Variants in IGLON5 observed in about 807,000 individuals in gnomAD.
IGLON5 encodes the protein IgLON family member 5, also known as Ig-like domain-containing protein ENSP00000270642.
IGLON5 carries 16 observed loss-of-function variants against 38.2 expected under a neutral mutation model. The observed-to-expected ratio is 0.42, with a 90% CI of 0.28 to 0.64. The LOEUF (loss-of-function observed/expected upper bound fraction) is 0.64, where lower values mean the gene tolerates loss of function less well. Among genes scored for constraint, IGLON5 ranks in the 30% least tolerant of loss-of-function variants. The pLI, the probability that IGLON5 is intolerant of heterozygous loss-of-function variation, is 0.23. For synonymous variants in IGLON5, 207 were observed against 216.4 expected (o/e 0.96, Z 0.38); for missense variants, 366 against 483.4 (o/e 0.76, Z 2.28).
In IGLON5 at chr19:51,326,780, G is replaced by A. The variant is rs1277905236; in HGVS notation, c.528G>A (p.Glu176=). 2.6e-6 allele frequency: 4 copies of A among 1,548,948 alleles called. No individual in the cohort carries two copies. The highest frequency in any genetic ancestry group is 2.0e-5 in the Admixed American group (1 of 50,776). The change falls in exon 5 of 8, where the codon GAG becomes GAA. Residue 176 remains glutamate (E), a synonymous_variant. Coordinates refer to ENST00000270642, the MANE Select transcript of IGLON5 (RefSeq NM_001101372.3). ...CCCCCACAGACGGCTTCACCTCGGA[G>A]GGAGAGATCCTGGAGATCTCTGACA... The part of the protein sequence containing the change: ...WRQLRDGFTS[E]GEILEISDIQ...
At chr19:51,313,352 T>A in intron 1 of IGLON5, among the ~76,000 whole-genome samples, 1 of 152,218 alleles carries the variant, frequency 6.6e-6, no homozygotes, top group East Asian at 1.9e-4. Context: ...TATCCACTGC[T>A]GACTTTCCAC....
At position 51,327,775 on chromosome 19, in the gene IGLON5, C is replaced by A; in HGVS notation, c.811C>A (p.Arg271Ser). ...TAEGLKVQTERTRSMLLFANV... is the reference protein window; with the variant it reads ...TAEGLKVQTESTRSMLLFANV... ...CGAAGGCCTGAAGGTGCAGACGGAG[C>A]GCACCCGCTCGATGCTTCTCTTTGC... is the stretch of plus-strand genomic sequence containing the variant. The change falls in exon 7 of 8, where the codon CGC becomes AGC. Residue 271 changes from arginine to serine, a missense_variant. Coordinates refer to ENST00000270642, the MANE Select transcript of IGLON5 (RefSeq NM_001101372.3). The surrounding 1 kb of genome is among the most constrained non-coding windows in gnomAD (Gnocchi z 7.1). The A allele has an allele frequency of 6.4e-7, 1 of 1,574,568 alleles. No homozygotes were observed. Among genetic ancestry groups the A allele is most frequent in the Non-Finnish European group, 8.6e-7 (1 of 1,162,180 alleles).
At chr19:51,314,266 C>G (rs770116869) in intron 1 of IGLON5, among the ~76,000 whole-genome samples, 1 of 151,708 alleles carries the variant, frequency 6.6e-6, no homozygotes, top group Non-Finnish European at 1.5e-5. Context: ...TCACTGCAAC[C>G]TCTGCCTCCC....
rs572355045 is a variant in IGLON5 at position 51,324,440 on chromosome 19, C to T, written c.391+546C>T. ...GGGGCTGGAGAGCTCCACAGTGAGGCGAGAGGCAGAGGGCATCTGAAATGG... is the reference window on the plus strand; with the variant it reads ...GGGGCTGGAGAGCTCCACAGTGAGGTGAGAGGCAGAGGGCATCTGAAATGG... On this transcript the variant is annotated intron_variant, in intron 3 of 7. Coordinates refer to ENST00000270642, the MANE Select transcript of IGLON5 (RefSeq NM_001101372.3). This position sits in a 1 kb window ranked among gnomAD's most constrained non-coding sequence, Gnocchi z 4.2. Among the ~76,000 whole-genome samples, 38 of 152,182 alleles carry T rather than the reference C, an allele frequency of 2.5e-4. 2 individuals are homozygous for T. The South Asian group carries it at 3.7e-3, about 15-fold the overall frequency.
chr19:51,319,491 A>T (rs1477065506), intron 1 of IGLON5, among the ~76,000 whole-genome samples: 1 of 151,788 alleles, frequency 6.6e-6, no homozygotes, highest in Non-Finnish European at 1.5e-5. Context: ...CAAAGTTGGG[A>T]ATCATGGTGC....
At chr19:51,328,630 C>T (rs772670794) in intron 7 of IGLON5, 41 bp from the exon 8 acceptor site, 38 of 1,350,318 alleles carry the variant, frequency 2.8e-5, no homozygotes, top group Non-Finnish European at 3.6e-5. Context: ...TGGGGTTCCC[C>T]ACTCTCAGGC....
rs542139381 is a variant in IGLON5 at position 51,323,706 on chromosome 19, G to A, written c.203G>A (p.Arg68His). Reference sequence around the variant, plus strand: ...GTGACCCGCGTGGCCTGGCTGAACCGCTCCAACATCCTGTATGCCGGCAAT... The same window carrying A: ...GTGACCCGCGTGGCCTGGCTGAACCACTCCAACATCCTGTATGCCGGCAAT... ...EHVTRVAWLN[R>H]SNILYAGNDR... is the part of the protein sequence containing the mutation. The change falls in exon 3 of 8, where the codon CGC (arginine) becomes CAC (histidine). Residue 68 changes from arginine (R) to histidine (H), a missense_variant. Transcript: ENST00000270642. The A allele has an allele frequency of 1.5e-5, 25 of 1,613,922 alleles. No homozygotes were observed. The highest frequency in any genetic ancestry group is 3.3e-4 in the Middle Eastern group (2 of 6,062).
intron 1 of IGLON5, among the ~76,000 whole-genome samples, chr19:51,313,159 G>T (rs1432977889): frequency 1.3e-5 from 2 of 152,126 alleles, no homozygotes; most frequent in Non-Finnish European, 2.9e-5. Context: ...CCCCATCCAC[G>T]CAGGACGCAG....
At position 51,324,950 on chromosome 19, in the gene IGLON5, A is replaced by C. The variant is rs906308134; in HGVS notation, c.392-396A>C. The stretch of plus-strand genomic sequence containing the variant: ...GTCCCATGTGGGTATTTGTTAAATA[A>C]ATTTATTTAAAATAATAATAAATAC... On this transcript the variant is annotated intron_variant, in intron 3 of 7. Coordinates refer to ENST00000270642, the MANE Select transcript of IGLON5 (RefSeq NM_001101372.3). The surrounding 1 kb of genome is among the most constrained non-coding windows in gnomAD (Gnocchi z 4.2). Among the ~76,000 whole-genome samples, 1 of 152,012 alleles carries C rather than the reference A, an allele frequency of 6.6e-6. No homozygotes were observed. The highest frequency in any genetic ancestry group is 2.4e-5 in the African/African-American group (1 of 41,390).
intron 4 of IGLON5, 95 bp from the exon 5 acceptor site, chr19:51,326,669 C>A: frequency 1.7e-6 from 1 of 584,402 alleles, no homozygotes; most frequent in Admixed American, 4.1e-5. Flanking sequence ...CCTTGCCGTG[C>A]CCGCCCCGCT....
chr19:51,323,458 TC>T (rs1197797478), intron 2 of IGLON5, among the ~76,000 whole-genome samples: 1 of 152,198 alleles, frequency 6.6e-6, no homozygotes. Flanking sequence ...GAGCTATTGT[TC>T]CGTTCTGCAG....
intron 1 of IGLON5, among the ~76,000 whole-genome samples, chr19:51,316,272 G>C (rs577146602): frequency 2.2e-3 from 327 of 149,618 alleles, no homozygotes; most frequent in Non-Finnish European, 3.9e-3. Flanking sequence ...TTGAGCCTGG[G>C]AGGTGGAGGT....
At position 51,325,555 on chromosome 19, in the gene IGLON5, C is replaced by A; in HGVS notation, c.511+90C>A. 3 of 1,353,906 alleles carry A rather than the reference C, an allele frequency of 2.2e-6. No individual in the cohort carries two copies. The highest frequency in any genetic ancestry group is 9.9e-7 in the Non-Finnish European group (1 of 1,012,628). 83.9% of individuals were successfully genotyped at this position (1,353,906 alleles called of 1,614,324 possible). ...CCATATCCCTAGCTAGTTTCCCCAG[C>A]CCCCTTCTCCCTGGCCCCTTGGCTT... On this transcript the variant is annotated intron_variant, in intron 4 of 7. Transcript: ENST00000270642. This position sits in a 1 kb window ranked among gnomAD's most constrained non-coding sequence, Gnocchi z 5.5.
intron 7 of IGLON5, among the ~76,000 whole-genome samples, chr19:51,328,415 G>C (rs1985267974): frequency 6.6e-6 from 1 of 151,512 alleles, no homozygotes; most frequent in Non-Finnish European, 1.5e-5. Flanking sequence ...AGGATGCTGA[G>C]GCAAGAGGAT....
chr19:51,322,257 G>A (rs1985079592), intron 2 of IGLON5, 115 bp downstream of exon 2: 3 of 826,892 alleles, frequency 3.6e-6, no homozygotes, highest in South Asian at 1.4e-5. Context: ...GAAGACTTGG[G>A]CTCCACATTC....
rs1448705716 is a variant in IGLON5 at position 51,325,176 on chromosome 19, G to A, written c.392-170G>A. On this transcript the variant is annotated intron_variant, in intron 3 of 7. Coordinates refer to ENST00000270642, the MANE Select transcript of IGLON5 (RefSeq NM_001101372.3). The surrounding 1 kb of genome is among the most constrained non-coding windows in gnomAD (Gnocchi z 5.5). ...TGGACTCTTGGGTCTGAGGGAAGAG[G>A]AACTGCGGGTCTGAACTCCCGGGTC... 2.6e-5 allele frequency among the ~76,000 whole-genome samples: 4 copies of A among 151,432 alleles called. No homozygotes were observed. Among genetic ancestry groups the A allele is most frequent in the African/African-American group, 9.7e-5 (4 of 41,186 alleles).
intron 1 of IGLON5, among the ~76,000 whole-genome samples, chr19:51,313,695 C>CTT (rs57541204): frequency 5.3e-4 from 27 of 51,300 alleles, no homozygotes; most frequent in African/African-American, 1.3e-3. Context: ...TTCTTTCTTT[C>CTT]TTCTTTCTTC....
At chr19:51,328,073 T>C (rs1314682058) in intron 7 of IGLON5, among the ~76,000 whole-genome samples, 187 bp downstream of exon 7, 1 of 152,226 alleles carries the variant, frequency 6.6e-6, no homozygotes, top group East Asian at 1.9e-4. Flanking sequence ...AGCTAAGGGT[T>C]TGTCGTGGGG....
rs1416262446 is a variant in IGLON5, at chr19:51,325,655, T to G, written c.511+190T>G. 6.6e-6 allele frequency among the ~76,000 whole-genome samples: 1 copy of G among 152,122 alleles called. No individual in the cohort carries two copies. The highest frequency in any genetic ancestry group is 1.5e-5 in the Non-Finnish European group (1 of 67,998). On this transcript the variant is annotated intron_variant, in intron 4 of 7. Coordinates refer to ENST00000270642, the MANE Select transcript of IGLON5 (RefSeq NM_001101372.3). The surrounding 1 kb of genome is among the most constrained non-coding windows in gnomAD (Gnocchi z 5.5). Reference sequence around the variant, plus strand: ...GACCTAAGAGGCGTCACCACTGGCTTTCCACCTGCCGTCCTAGGCCTGGGC... The same window carrying G: ...GACCTAAGAGGCGTCACCACTGGCTGTCCACCTGCCGTCCTAGGCCTGGGC...
Sources: gnomAD v4.1 joint callset for allele counts (sites outside exome capture counted in the v4.1 genomes callset) on GRCh38, gnomAD v4.1.1 for gene constraint, Gnocchi (gnomAD v3.1) non-coding constraint, MANE v1.5 for transcripts, NCBI Gene and HGNC (gene_info 2026-07-23, HGNC 2026-07-21) for gene names.